The following SGPP1 variants were observed in gnomAD, a reference collection of about 807,000 sequenced individuals.
The protein encoded by SGPP1 is hSPP1.
SGPP1 carries 21 observed loss-of-function variants against 33.0 expected under a neutral mutation model. That is an observed-to-expected ratio of 0.64 (90% CI 0.45 to 0.92). SGPP1 has a LOEUF of 0.92. Ranked by LOEUF, SGPP1 falls within the 40% of genes least tolerant of loss-of-function variation. SGPP1 has a pLI of 0.00. For missense variants in SGPP1, 543 were observed against 589.4 expected (o/e 0.92, Z 0.81); for synonymous variants, 239 against 241.2 (o/e 0.99, Z 0.08).
At chr14:63,719,014 ATTTTTTTTTTTTTTTTTT>A (rs1163496718) in intron 1 of SGPP1, among the ~76,000 whole-genome samples, 2 of 19,432 alleles carry the variant, frequency 1.0e-4, no homozygotes, top group African/African-American at 2.3e-4. Context: ...ATATATATAT[ATTTTTTTTTTTTTTTTTT>A]TTTTTTTTTT....
chr14:63,691,178 A>C (rs952478471), intron 2 of SGPP1, among the ~76,000 whole-genome samples: 4 of 152,224 alleles, frequency 2.6e-5, no homozygotes, highest in African/African-American at 9.6e-5. Flanking sequence ...GATATTACAC[A>C]ATCAATTAAC....
intron 1 of SGPP1, among the ~76,000 whole-genome samples, chr14:63,714,258 C>T (rs1265968343): frequency 1.3e-5 from 2 of 152,180 alleles, no homozygotes; most frequent in African/African-American, 2.4e-5. Context: ...TGGGTGACTG[C>T]ACATGTGGTA....
chr14:63,695,446 T>C (rs1231596783), intron 2 of SGPP1, among the ~76,000 whole-genome samples: 1 of 152,246 alleles, frequency 6.6e-6, no homozygotes, highest in African/African-American at 2.4e-5. Flanking sequence ...ACAAAATGTA[T>C]TGTTATAATG....
At chr14:63,697,187 A>T (rs535037749) in intron 2 of SGPP1, among the ~76,000 whole-genome samples, 2 of 152,118 alleles carry the variant, frequency 1.3e-5, no homozygotes, top group Admixed American at 6.5e-5. Flanking sequence ...ATTAAAATTT[A>T]AAAAAACCTA....
chr14:63,714,295 C>A (rs537877681), intron 1 of SGPP1, among the ~76,000 whole-genome samples: 1 of 152,188 alleles, frequency 6.6e-6, no homozygotes, highest in South Asian at 2.1e-4. Flanking sequence ...TTTGATGGAT[C>A]TCATCAAAAG....
chr14:63,691,063 T>C (rs1224974267), intron 2 of SGPP1, among the ~76,000 whole-genome samples: 1 of 152,248 alleles, frequency 6.6e-6, no homozygotes, highest in Non-Finnish European at 1.5e-5. Flanking sequence ...ATAGTTTGGC[T>C]GATAGTCTCC....
intron 2 of SGPP1, among the ~76,000 whole-genome samples, chr14:63,687,563 G>A (rs975872220): frequency 2.6e-5 from 4 of 152,216 alleles, no homozygotes; most frequent in African/African-American, 9.6e-5. Context: ...GATTAAGGAA[G>A]CCTGTCTGAG....
chr14:63,702,145 G>C (rs950955063), intron 1 of SGPP1, among the ~76,000 whole-genome samples: 10 of 152,068 alleles, frequency 6.6e-5, no homozygotes, highest in African/African-American at 2.4e-4. Flanking sequence ...TTTTAAATAG[G>C]AGCAATGAAA....
chr14:63,696,363 T>C (rs1487558426), intron 2 of SGPP1, among the ~76,000 whole-genome samples: 1 of 152,224 alleles, frequency 6.6e-6, no homozygotes, highest in Non-Finnish European at 1.5e-5. Flanking sequence ...CCTTGTATGA[T>C]GATAATGAGT....
chr14:63,728,029 G>C lies in SGPP1; in HGVS notation c.-85C>G, dbSNP rs904011686. ...GCTCCTGGCCAGCGGCAGCGGAACC[G>C]GCACAGCGCTCTACCCTCCGGAGTC... On this transcript the variant is annotated 5_prime_UTR_variant, in exon 1 of 3. Transcript: ENST00000247225. 19 of 1,388,870 alleles carry C rather than the reference G, an allele frequency of 1.4e-5. No individual in the cohort carries two copies. The Admixed American group carries it at 1.8e-4, about 13-fold the overall frequency. The allele number at this position is 1,388,870 out of a possible 1,614,324, so 86.0% of individuals were successfully genotyped here.
chr14:63,687,602 TCTAAAGGGAGC>T (rs1412963374), intron 2 of SGPP1, among the ~76,000 whole-genome samples: 4 of 152,226 alleles, frequency 2.6e-5, no homozygotes, highest in Non-Finnish European at 4.4e-5. Context: ...CAGATCTGAT[TCTAAAGGGAGC>T]CTATATTTAG....
At chr14:63,692,638 G>C (rs1230478425) in intron 2 of SGPP1, among the ~76,000 whole-genome samples, 1 of 151,768 alleles carries the variant, frequency 6.6e-6, no homozygotes, top group Non-Finnish European at 1.5e-5. Flanking sequence ...TTTTTGTAGA[G>C]ACAGGCTTTC....
intron 1 of SGPP1, among the ~76,000 whole-genome samples, chr14:63,718,421 T>C (rs963939712): frequency 6.6e-6 from 1 of 152,030 alleles, no homozygotes; most frequent in Admixed American, 6.6e-5. Flanking sequence ...AGATCTATAG[T>C]AGAAAAAATG....
chr14:63,708,632 C>T (rs866670605), intron 1 of SGPP1, among the ~76,000 whole-genome samples: 9 of 152,064 alleles, frequency 5.9e-5, no homozygotes, highest in African/African-American at 2.2e-4. Context: ...TCTAGGCAGA[C>T]ATTAGGAGAA....
rs1463918273 is a variant in SGPP1, at chr14:63,713,414, ACT to A, written c.684+13845_684+13846del. 2.0e-5 allele frequency among the ~76,000 whole-genome samples: 3 copies of A among 152,310 alleles called. No individual in the cohort carries two copies. In the East Asian group the frequency reaches 5.8e-4, roughly 29 times the overall value. On this transcript the variant is annotated intron_variant, in intron 1 of 2. Coordinates refer to ENST00000247225, the MANE Select transcript of SGPP1 (RefSeq NM_030791.4). ...CCCATTTCTCTCTACTGCCATTGAC[ACT>A]AAGTCAGGGACTGGCAAAGCTTTTT...
chr14:63,706,459 A>G (rs980644568), intron 1 of SGPP1, among the ~76,000 whole-genome samples: 1 of 152,180 alleles, frequency 6.6e-6, no homozygotes, highest in African/African-American at 2.4e-5. Flanking sequence ...TAAACCAAAA[A>G]TAAACATATC....
chr14:63,702,743 A>C lies in SGPP1; in HGVS notation c.685-4085T>G, dbSNP rs17101373. On this transcript the variant is annotated intron_variant, in intron 1 of 2. Transcript: ENST00000247225. ...TTAAAAAGAAAACATTTTGGGGAACACTTGATCCAGTTCTGACTACATGAT... is the reference window on the plus strand; with the variant it reads ...TTAAAAAGAAAACATTTTGGGGAACCCTTGATCCAGTTCTGACTACATGAT... Among the ~76,000 whole-genome samples, 1,255 of 152,166 alleles carry C rather than the reference A, an allele frequency of 8.2e-3. 13 individuals are homozygous for C. The highest frequency in any genetic ancestry group is 0.028 in the African/African-American group (1,175 of 41,504).
chr14:63,710,105 G>A (rs555256602), intron 1 of SGPP1, among the ~76,000 whole-genome samples: 2 of 152,278 alleles, frequency 1.3e-5, no homozygotes, highest in East Asian at 3.8e-4. Context: ...AATGAATAGT[G>A]TACATGTAAA....
chr14:63,690,358 T>C (rs1314655984), intron 2 of SGPP1, among the ~76,000 whole-genome samples: 1 of 152,238 alleles, frequency 6.6e-6, no homozygotes, highest in Non-Finnish European at 1.5e-5. Flanking sequence ...ATTTCTTTTC[T>C]ATGCAATAAA....
Sources: gnomAD v4.1 joint callset for allele counts (sites outside exome capture counted in the v4.1 genomes callset) on GRCh38, gnomAD v4.1.1 for gene constraint, MANE v1.5 for transcripts, NCBI Gene and HGNC (gene_info 2026-07-23, HGNC 2026-07-21) for gene names.